Variants in WIPF3 observed in about 807,000 individuals in gnomAD.
WIPF3 encodes WAS/WASL-interacting protein family member 3.
Under a neutral mutation model 38.9 loss-of-function variants are expected in WIPF3, and 33 were observed. The observed-to-expected ratio is 0.85, with a 90% CI of 0.64 to 1.14. WIPF3 has a LOEUF of 1.14. WIPF3 is among the 50% of genes most tolerant of loss of function. WIPF3 has a pLI of 0.00. For missense variants in WIPF3, 711 were observed against 652.5 expected (o/e 1.09, Z -0.98); for synonymous variants, 324 against 269.3 (o/e 1.20, Z -1.99).
Position 29,876,197 on chromosome 7 carries a change from T to A in WIPF3, c.223+235T>A, listed in dbSNP as rs527579948. ...TTTCATATGCTAAAAAGAACAACTC[T>A]GCAATGGGACACCTATTTAAAAATT... On this transcript the variant is annotated intron_variant, in intron 3 of 8. Coordinates refer to ENST00000242140, the MANE Select transcript of WIPF3 (RefSeq NM_001080529.3). Among the ~76,000 whole-genome samples the A allele has an allele frequency of 1.2e-3, 177 of 152,380 alleles. 1 individual carries two copies. Among genetic ancestry groups the A allele is most frequent in the Non-Finnish European group, 2.2e-3 (148 of 68,028 alleles).
At chr7:29,840,991 G>A (rs1187224940) in intron 2 of WIPF3, among the ~76,000 whole-genome samples, 1 of 152,126 alleles carries the variant, frequency 6.6e-6, no homozygotes, top group African/African-American at 2.4e-5. Flanking sequence ...TTGCTAAACC[G>A]ACGTAGCAGG....
chr7:29,880,146 G>GA (rs544702608), intron 4 of WIPF3, among the ~76,000 whole-genome samples: 52 of 152,014 alleles, frequency 3.4e-4, no homozygotes, highest in African/African-American at 1.1e-3. Flanking sequence ...TTTACTCTGA[G>GA]AAAAAAAACC....
chr7:29,822,743 T>G (rs1784560821), intron 1 of WIPF3, among the ~76,000 whole-genome samples: 1 of 152,236 alleles, frequency 6.6e-6, no homozygotes, highest in Admixed American at 6.5e-5. Flanking sequence ...TTCATTAAAG[T>G]GCAGAGTTAC....
At chr7:29,830,579 C>T (rs1247365079) in intron 1 of WIPF3, among the ~76,000 whole-genome samples, 7 of 149,026 alleles carry the variant, frequency 4.7e-5, no homozygotes, top group Admixed American at 6.7e-5. Flanking sequence ...GAGATCACGC[C>T]GCTGCACTCC....
chr7:29,837,699 C>T lies in WIPF3; in HGVS notation c.90+2885C>T, dbSNP rs866149038. On this transcript the variant is annotated intron_variant, in intron 2 of 8. Coordinates refer to ENST00000242140, the MANE Select transcript of WIPF3 (RefSeq NM_001080529.3). ...AAAAATAATGTGTACACTTACAATA[C>T]ATATTAAAGGCAAATAATTAACGTC... Among the ~76,000 whole-genome samples, 5 of 152,018 alleles carry T rather than the reference C, an allele frequency of 3.3e-5. No homozygotes were observed. The South Asian group carries it at 8.3e-4, about 25-fold the overall frequency.
chr7:29,887,998 T>A lies in WIPF3; in HGVS notation c.1100-70T>A. ...CATCTGAAGATAGAAATGCCTAATATCTCACATAAGGTTATAGCATCCACC... is the reference window on the plus strand; with the variant it reads ...CATCTGAAGATAGAAATGCCTAATAACTCACATAAGGTTATAGCATCCACC... On this transcript the variant is annotated intron_variant, in intron 5 of 8. Coordinates refer to ENST00000242140, the MANE Select transcript of WIPF3 (RefSeq NM_001080529.3). The A allele has an allele frequency of 3.2e-6, 5 of 1,579,744 alleles. No individual in the cohort carries two copies. In the South Asian group the frequency reaches 5.8e-5, roughly 18 times the overall value.
chr7:29,890,973 TG>T, intron 7 of WIPF3, among the ~76,000 whole-genome samples: 1 of 105,540 alleles, frequency 9.5e-6, no homozygotes, highest in Non-Finnish European at 2.0e-5. Context: ...TGTGCTCAGG[TG>T]GAGGGGGCGA....
chr7:29,872,131 CTT>C (rs1489026207), intron 2 of WIPF3, among the ~76,000 whole-genome samples: 1 of 152,152 alleles, frequency 6.6e-6, no homozygotes, highest in African/African-American at 2.4e-5. Context: ...CCAGGAATGG[CTT>C]TCTCTCCCTT....
At chr7:29,866,247 A>G (rs1583609526) in intron 2 of WIPF3, among the ~76,000 whole-genome samples, 1 of 152,210 alleles carries the variant, frequency 6.6e-6, no homozygotes, top group African/African-American at 2.4e-5. Flanking sequence ...AAATTTTGGA[A>G]TTTTCCCTTG....
chr7:29,859,509 G>A (rs1299874852), intron 2 of WIPF3, among the ~76,000 whole-genome samples: 1 of 152,154 alleles, frequency 6.6e-6, no homozygotes, highest in Non-Finnish European at 1.5e-5. Flanking sequence ...GTTTTGTTTT[G>A]TTTGGGTGTG....
At chr7:29,877,610 T>C (rs1400207170) in intron 3 of WIPF3, among the ~76,000 whole-genome samples, 1 of 152,216 alleles carries the variant, frequency 6.6e-6, no homozygotes, top group Non-Finnish European at 1.5e-5. Flanking sequence ...AAATTCAGTG[T>C]CAGGAATGAT....
At chr7:29,827,546 A>G (rs1784637710) in intron 1 of WIPF3, among the ~76,000 whole-genome samples, 1 of 152,108 alleles carries the variant, frequency 6.6e-6, no homozygotes, top group Non-Finnish European at 1.5e-5. Flanking sequence ...CCTTTAATAG[A>G]TGAATGATGG....
rs562536274 is a variant in WIPF3, at chr7:29,884,642, C to T, written c.1099+49C>T. 20 of 1,548,538 alleles carry T rather than the reference C, an allele frequency of 1.3e-5. No individual in the cohort carries two copies. In the African/African-American group the frequency reaches 2.0e-4, roughly 16 times the overall value. ...TGCCCCTGGTGGAGTGCGATAAAAT[C>T]TCGTCGTTGCACAGGACTTTATTGT... is the stretch of plus-strand genomic sequence containing the variant. On this transcript the variant is annotated intron_variant, in intron 5 of 8. Transcript: ENST00000242140.
At chr7:29,808,637 G>C (rs1164765520) in intron 1 of WIPF3, among the ~76,000 whole-genome samples, 1 of 152,168 alleles carries the variant, frequency 6.6e-6, no homozygotes. Context: ...GTAATTGTGA[G>C]TGTGACATTG....
intron 8 of WIPF3, chr7:29,904,785 G>C (rs1296788079): frequency 6.3e-6 from 1 of 158,930 alleles, no homozygotes; most frequent in Non-Finnish European, 1.4e-5. Flanking sequence ...TGTTATAATT[G>C]ATTTTGGCCA....
chr7:29,875,715 C>CT, intron 2 of WIPF3, 115 bp from the exon 3 acceptor site: 1 of 1,392,368 alleles, frequency 7.2e-7, no homozygotes, highest in Non-Finnish European at 9.9e-7. Context: ...TGAGATCAGC[C>CT]TTGGGAGTGG....
intron 1 of WIPF3, among the ~76,000 whole-genome samples, chr7:29,828,410 G>A (rs1282010158): frequency 6.6e-6 from 1 of 151,904 alleles, no homozygotes; most frequent in Non-Finnish European, 1.5e-5. Context: ...TAGGGCGCCC[G>A]TACCCTCACC....
intron 1 of WIPF3, among the ~76,000 whole-genome samples, chr7:29,820,806 G>T (rs1402333218): frequency 6.6e-6 from 1 of 152,078 alleles, no homozygotes; most frequent in Non-Finnish European, 1.5e-5. Flanking sequence ...TCTCTTTAAA[G>T]ATATTTTGAT....
chr7:29,880,009 A>G (rs547387619), intron 4 of WIPF3, among the ~76,000 whole-genome samples: 2 of 152,306 alleles, frequency 1.3e-5, no homozygotes, highest in African/African-American at 4.8e-5. Flanking sequence ...TCATATTTCA[A>G]AGATTATGGA....
Sources: gnomAD v4.1 joint callset for allele counts (sites outside exome capture counted in the v4.1 genomes callset) on GRCh38, gnomAD v4.1.1 for gene constraint, MANE v1.5 for transcripts, NCBI Gene and HGNC (gene_info 2026-07-23, HGNC 2026-07-21) for gene names.